CFAP95: variants seen among roughly 807,000 people sequenced by gnomAD.
CFAP95 encodes the protein cilia- and flagella-associated protein 95.
At chr9:69,902,630 T>C in the CFAP95 span, among the ~76,000 whole-genome samples, 1 of 152,168 alleles carries the variant, frequency 6.6e-6, no homozygotes, top group African/African-American at 2.4e-5. Context: ...GCCTTGGTTC[T>C]GAGCTGCAGT....
the CFAP95 span, among the ~76,000 whole-genome samples, chr9:69,861,662 A>G: frequency 6.9e-6 from 1 of 144,834 alleles, no homozygotes; most frequent in African/African-American, 2.6e-5. Flanking sequence ...ACCACATGTC[A>G]GTCTTCTCTT....
chr9:69,843,557 C>CCTTCTT, the CFAP95 span, among the ~76,000 whole-genome samples: 102 of 14,698 alleles, frequency 6.9e-3, 4 homozygotes, highest in Non-Finnish European at 8.7e-3. Flanking sequence ...TCCTCCTCCT[C>CCTTCTT]CTTCTTCTTC....
the CFAP95 span, among the ~76,000 whole-genome samples, chr9:69,872,887 A>C: frequency 6.6e-6 from 1 of 152,180 alleles, no homozygotes; most frequent in Non-Finnish European, 1.5e-5. Flanking sequence ...AGGCAGACAA[A>C]TCTGGGTCAT....
the CFAP95 span, chr9:69,856,680 T>A: frequency 6.4e-7 from 1 of 1,570,768 alleles, no homozygotes; most frequent in Non-Finnish European, 8.7e-7. Flanking sequence ...AAAGGTATTC[T>A]TAATACTTTT....
the CFAP95 span, among the ~76,000 whole-genome samples, chr9:69,822,514 A>G: frequency 6.6e-6 from 1 of 152,196 alleles, no homozygotes; most frequent in Non-Finnish European, 1.5e-5. Context: ...TATAGGGCTT[A>G]CCTCATAGCT....
the CFAP95 span, among the ~76,000 whole-genome samples, chr9:69,903,289 G>A: frequency 6.6e-6 from 1 of 152,142 alleles, no homozygotes. Context: ...TAATCTGTTT[G>A]GACCAATTTA....
chr9:69,874,776 T>C, the CFAP95 span, among the ~76,000 whole-genome samples: 494 of 152,286 alleles, frequency 3.2e-3, 5 homozygotes, highest in African/African-American at 0.011. Context: ...CAGACTGGTA[T>C]TTGGACCTAA....
At chr9:69,839,183 G>T in the CFAP95 span, among the ~76,000 whole-genome samples, 1 of 108,454 alleles carries the variant, frequency 9.2e-6, no homozygotes, top group Non-Finnish European at 1.9e-5. Flanking sequence ...AAGGATATTG[G>T]TCTAAAATTC....
At chr9:69,881,304 G>T in the CFAP95 span, among the ~76,000 whole-genome samples, 1 of 152,192 alleles carries the variant, frequency 6.6e-6, no homozygotes, top group Non-Finnish European at 1.5e-5. Flanking sequence ...TGAGGTCACA[G>T]ATTAAAGTCT....
chr9:69,862,905 C>A, the CFAP95 span, among the ~76,000 whole-genome samples: 1 of 152,130 alleles, frequency 6.6e-6, no homozygotes, highest in African/African-American at 2.4e-5. Flanking sequence ...AATTGAAAAT[C>A]AGAACAGCTA....
chr9:69,829,507 G>A, the CFAP95 span, among the ~76,000 whole-genome samples: 1 of 152,186 alleles, frequency 6.6e-6, no homozygotes, highest in African/African-American at 2.4e-5. Flanking sequence ...AACTTGGATA[G>A]GAAAGATCCT....
At chr9:69,823,213 G>C in the CFAP95 span, among the ~76,000 whole-genome samples, 6,960 of 152,118 alleles carry the variant, frequency 0.046, 523 homozygotes, top group African/African-American at 0.16. Flanking sequence ...ACTTCGAAAC[G>C]CTGATAAAAC....
chr9:69,883,358 AG>A, the CFAP95 span, among the ~76,000 whole-genome samples: 5 of 151,736 alleles, frequency 3.3e-5, no homozygotes, highest in Admixed American at 3.3e-4. Flanking sequence ...CTCTGGTTGG[AG>A]GGGAGGTTAT....
At chr9:69,892,151 A>G in the CFAP95 span, among the ~76,000 whole-genome samples, 4 of 152,164 alleles carry the variant, frequency 2.6e-5, no homozygotes, top group Non-Finnish European at 4.4e-5. Context: ...ATGTAATTCA[A>G]TGGCATTAAG....
the CFAP95 span, chr9:69,884,497 C>T: frequency 2.6e-5 from 4 of 152,266 alleles, no homozygotes; most frequent in African/African-American, 9.7e-5. Context: ...ATCTGGTGGT[C>T]CTGCTCCTGG....
the CFAP95 span, among the ~76,000 whole-genome samples, chr9:69,897,703 T>C: frequency 6.6e-6 from 1 of 152,120 alleles, no homozygotes; most frequent in Admixed American, 6.5e-5. Context: ...ATAATGGTGC[T>C]TAGAGTAAGG....
chr9:69,896,739 T>C, the CFAP95 span, among the ~76,000 whole-genome samples: 1 of 152,130 alleles, frequency 6.6e-6, no homozygotes, highest in Non-Finnish European at 1.5e-5. Flanking sequence ...GAAATAAAAC[T>C]TGGCCAGGTG....
chr9:69,903,076 C>G, the CFAP95 span, among the ~76,000 whole-genome samples: 2 of 152,136 alleles, frequency 1.3e-5, no homozygotes, highest in African/African-American at 2.4e-5. Context: ...TCTAAAAAGT[C>G]AGACTTCAGG....
the CFAP95 span, among the ~76,000 whole-genome samples, chr9:69,823,219 A>G: frequency 6.6e-6 from 1 of 152,108 alleles, no homozygotes; most frequent in African/African-American, 2.4e-5. Context: ...AAACGCTGAT[A>G]AAACCATCAA....
Sources: allele counts gnomAD v4.1 joint callset (sites outside exome capture counted in the v4.1 genomes callset), GRCh38; gene constraint gnomAD v4.1.1; transcripts MANE v1.5; gene names NCBI Gene and HGNC (gene_info 2026-07-23, HGNC 2026-07-21).